The following TNIK variants were observed in gnomAD, a reference collection of about 807,000 sequenced individuals.
The protein encoded by TNIK is TRAF2 and NCK-interacting protein kinase.
TNIK carries 49 observed loss-of-function variants against 191.3 expected under a neutral mutation model. The ratio of observed to expected loss-of-function variants is 0.26; its 90% CI spans 0.20 to 0.32. TNIK has a LOEUF of 0.32. Among genes scored for constraint, TNIK ranks in the 10% least tolerant of loss-of-function variants. The pLI, the probability that TNIK is intolerant of heterozygous loss-of-function variation, is 1.00. For synonymous variants in TNIK, 594 were observed against 600.9 expected (o/e 0.99, Z 0.17); for missense variants, 1,155 against 1,702.3 (o/e 0.68, Z 5.66).
chr3:171,401,775 G>A (rs2108576675), intron 1 of TNIK, among the ~76,000 whole-genome samples: 1 of 152,306 alleles, frequency 6.6e-6, no homozygotes, highest in East Asian at 1.9e-4. Flanking sequence ...GCATGAAAGA[G>A]CAAGGAAGTA....
chr3:171,323,824 A>G (rs1405862450), intron 2 of TNIK, among the ~76,000 whole-genome samples: 1 of 152,152 alleles, frequency 6.6e-6, no homozygotes, highest in African/African-American at 2.4e-5. Flanking sequence ...TATGATCTAG[A>G]GCAAAGGGAG....
intron 1 of TNIK, 87 bp downstream of exon 1, chr3:171,459,920 G>GGCCCCCCCCCCCCCC: frequency 8.6e-7 from 1 of 1,157,384 alleles, no homozygotes. Context: ...CTGTCCCCCT[G>GGCCCCCCCCCCCCCC]CCCCAGCCCC....
chr3:171,247,388 G>T (rs985095497), intron 2 of TNIK, among the ~76,000 whole-genome samples: 2 of 152,250 alleles, frequency 1.3e-5, no homozygotes, highest in African/African-American at 4.8e-5. Flanking sequence ...TTGGAGAATT[G>T]AAAGAGAAAC....
chr3:171,181,976 G>GA (rs1448367321), intron 7 of TNIK, among the ~76,000 whole-genome samples: 3 of 152,164 alleles, frequency 2.0e-5, no homozygotes, highest in Non-Finnish European at 2.9e-5. Context: ...AAGGTTTAGG[G>GA]AAAAAATATG....
At chr3:171,139,708 G>A (rs1174940724) in intron 13 of TNIK, among the ~76,000 whole-genome samples, 152 bp from the exon 14 acceptor site, 2 of 152,178 alleles carry the variant, frequency 1.3e-5, no homozygotes, top group Non-Finnish European at 2.9e-5. Flanking sequence ...GGAAGAGTAT[G>A]TCACATGGAA....
At chr3:171,420,672 CTA>C (rs1723684648) in intron 1 of TNIK, among the ~76,000 whole-genome samples, 1 of 152,120 alleles carries the variant, frequency 6.6e-6, no homozygotes, top group African/African-American at 2.4e-5. Flanking sequence ...GTAGCAATAA[CTA>C]ATAATAAAAT....
intron 2 of TNIK, among the ~76,000 whole-genome samples, chr3:171,335,064 C>T (rs1226472192): frequency 6.6e-6 from 1 of 151,346 alleles, no homozygotes; most frequent in East Asian, 1.9e-4. Context: ...TCCTGAAAAC[C>T]AATCACTAGC....
chr3:171,333,868 G>GT lies in TNIK; in HGVS notation c.123+35751dup, dbSNP rs753106904. On this transcript the variant is annotated intron_variant, in intron 2 of 32. Coordinates refer to ENST00000436636, the MANE Select transcript of TNIK (RefSeq NM_015028.4). ...CAGGGAGCGCCTCCCGCCAAAGGCAGTTTTTTTCTCCAACTGCGTATTTGT... is the reference window on the plus strand; with the variant it reads ...CAGGGAGCGCCTCCCGCCAAAGGCAGTTTTTTTTCTCCAACTGCGTATTTGT... 3.9e-5 allele frequency among the ~76,000 whole-genome samples: 6 copies of GT among 152,226 alleles called. No homozygotes were observed. The South Asian group carries it at 6.2e-4, about 16-fold the overall frequency.
intron 30 of TNIK, among the ~76,000 whole-genome samples, chr3:171,067,651 G>A (rs888971254): frequency 6.9e-5 from 10 of 145,750 alleles, no homozygotes; most frequent in Non-Finnish European, 1.3e-4. Context: ...CAGCTTGGGT[G>A]ACAGAGCGAG....
At chr3:171,306,906 C>T (rs1410667090) in intron 2 of TNIK, among the ~76,000 whole-genome samples, 3 of 152,078 alleles carry the variant, frequency 2.0e-5, no homozygotes, top group Non-Finnish European at 4.4e-5. Flanking sequence ...TGGGAAAAAC[C>T]TCAGCCAGCA....
chr3:171,128,836 T>G lies in TNIK; in HGVS notation c.1651A>C (p.Met551Leu), dbSNP rs1307539517. 6.4e-7 allele frequency: 1 copy of G among 1,566,022 alleles called. No individual in the cohort carries two copies. Among genetic ancestry groups the G allele is most frequent in the Admixed American group, 1.9e-5 (1 of 52,506 alleles). ...ATCCTGTTGGCAACCTTGTGAGGCA[T>G]GGCAGGGGAACTTTGCCGGTTGAGC... ...SRLNRQSSPA[M>L]PHKVANRISD... is the part of the protein sequence containing the mutation. The change falls in exon 16 of 33, where the codon ATG becomes CTG. Residue 551 changes from methionine (M) to leucine (L), a missense_variant. This residue lies in a region of TNIK where 735 missense variants were observed against 848.0 expected (regional missense o/e 0.87). Coordinates refer to ENST00000436636, the MANE Select transcript of TNIK (RefSeq NM_015028.4).
rs180978217 is a variant in TNIK at position 171,233,430 on chromosome 3, A to G, written c.124-5209T>C. 4.0e-3 allele frequency among the ~76,000 whole-genome samples: 606 copies of G among 151,842 alleles called. 2 individuals are homozygous for G. The highest frequency in any genetic ancestry group is 0.013 in the African/African-American group (550 of 41,450). ...TTTATGGCTCACCTGTTCTTATTCT[A>G]TCTGTCTGTCTGTCTGTCTATCTAT... On this transcript the variant is annotated intron_variant, in intron 2 of 32. Coordinates refer to ENST00000436636, the MANE Select transcript of TNIK (RefSeq NM_015028.4).
At chr3:171,212,365 T>TC (rs1373385961) in intron 3 of TNIK, among the ~76,000 whole-genome samples, 3 of 151,274 alleles carry the variant, frequency 2.0e-5, no homozygotes, top group African/African-American at 4.9e-5. Flanking sequence ...CAATGTCAAG[T>TC]CCCCCCACTG....
intron 2 of TNIK, among the ~76,000 whole-genome samples, chr3:171,295,026 A>C (rs1290614735): frequency 2.0e-5 from 3 of 150,628 alleles, no homozygotes. Flanking sequence ...AGAGAGAGAG[A>C]GGAAAAAAAA....
At chr3:171,372,053 AG>A (rs1331893523) in intron 1 of TNIK, among the ~76,000 whole-genome samples, 1 of 152,214 alleles carries the variant, frequency 6.6e-6, no homozygotes, top group African/African-American at 2.4e-5. Context: ...GGTGCAGAGC[AG>A]GAATCAGCTT....
At chr3:171,090,784 T>C (rs530255023) in intron 23 of TNIK, among the ~76,000 whole-genome samples, 2 of 152,166 alleles carry the variant, frequency 1.3e-5, no homozygotes, top group South Asian at 4.2e-4. Context: ...CAGGGATAGG[T>C]AGAACCACAG....
chr3:171,380,973 T>A (rs1717951773), intron 1 of TNIK, among the ~76,000 whole-genome samples: 2 of 152,212 alleles, frequency 1.3e-5, no homozygotes, highest in South Asian at 4.1e-4. Context: ...CATCACTTGG[T>A]GTCACCAGTA....
At chr3:171,310,907 A>G (rs1753950111) in intron 2 of TNIK, among the ~76,000 whole-genome samples, 1 of 152,176 alleles carries the variant, frequency 6.6e-6, no homozygotes, top group South Asian at 2.1e-4. Flanking sequence ...ATTTTCTTTC[A>G]GGAATATATC....
Position 171,146,856 on chromosome 3 carries a change from C to T in TNIK, c.1222-6347G>A, listed in dbSNP as rs533018071. Among the ~76,000 whole-genome samples, 12 of 137,648 alleles carry T rather than the reference C, an allele frequency of 8.7e-5. No individual in the cohort carries two copies. In the South Asian group the frequency reaches 1.3e-3, roughly 15 times the overall value. The allele number at this position is 137,648 out of a possible 152,430, so 90.3% of individuals were successfully genotyped here. ...AGTGAGCTGAGATCGTGCCACTGTA[C>T]GAGATTGTGCCTGGGTGACAGAGTG... On this transcript the variant is annotated intron_variant, in intron 12 of 32. Coordinates refer to ENST00000436636, the MANE Select transcript of TNIK (RefSeq NM_015028.4).
Sources: gnomAD v4.1 joint callset for allele counts (sites outside exome capture counted in the v4.1 genomes callset) on GRCh38, gnomAD v4.1.1 for gene constraint, gnomAD v4.1.1 regional missense constraint, MANE v1.5 for transcripts, NCBI Gene and HGNC (gene_info 2026-07-23, HGNC 2026-07-21) for gene names.